Variants in VIT observed in about 807,000 individuals in gnomAD.
The protein encoded by VIT is vitrin.
A neutral mutation model predicts 78.0 loss-of-function variants in VIT; 99 were observed. The observed-to-expected ratio is 1.27, with a 90% CI of 1.08 to 1.50. VIT has a LOEUF of 1.50. Among genes scored for constraint, VIT ranks in the 40% most tolerant of loss-of-function variants. The pLI, the probability that VIT is intolerant of heterozygous loss-of-function variation, is 0.00. For missense variants in VIT, 1,126 were observed against 875.3 expected, an observed-to-expected ratio of 1.29 and a Z score of -3.61; for synonymous variants, 374 against 334.3, an observed-to-expected ratio of 1.12 and a Z score of -1.29.
intron 1 of VIT, among the ~76,000 whole-genome samples, chr2:36,708,719 C>T (rs978798210): frequency 1.3e-5 from 2 of 152,156 alleles, no homozygotes; most frequent in African/African-American, 2.4e-5. Flanking sequence ...TTCCAACCTG[C>T]CAATTAAAGA....
intron 2 of VIT, 109 bp downstream of exon 2, chr2:36,716,531 G>A (rs755609788): frequency 2.3e-4 from 202 of 862,014 alleles, no homozygotes; most frequent in Non-Finnish European, 3.5e-4. Flanking sequence ...AAACAATACA[G>A]TGTATCATTT....
intron 6 of VIT, 90 bp from the exon 7 acceptor site, chr2:36,767,004 T>G: frequency 7.3e-7 from 1 of 1,364,360 alleles, no homozygotes; most frequent in Non-Finnish European, 9.6e-7. Flanking sequence ...TGCTCATAGC[T>G]AGTGTTCAAT....
chr2:36,813,711 G>A (rs2270320), intron 15 of VIT, among the ~76,000 whole-genome samples: 1 of 152,140 alleles, frequency 6.6e-6, no homozygotes, highest in Non-Finnish European at 1.5e-5. Context: ...AAAAGATCTT[G>A]AACCAGCTTT....
At chr2:36,757,332 G>A (rs1668826105) in intron 5 of VIT, among the ~76,000 whole-genome samples, 3 of 152,172 alleles carry the variant, frequency 2.0e-5, no homozygotes, top group African/African-American at 7.2e-5. Flanking sequence ...GTACGTTTAC[G>A]GCCCGCATGA....
intron 4 of VIT, among the ~76,000 whole-genome samples, chr2:36,750,742 A>G (rs1425550874): frequency 1.3e-5 from 2 of 151,520 alleles, no homozygotes; most frequent in African/African-American, 4.9e-5. Flanking sequence ...AATCGCTTGA[A>G]CCTGGGAGGC....
intron 6 of VIT, among the ~76,000 whole-genome samples, chr2:36,759,954 GA>G (rs1388279624): frequency 6.6e-6 from 1 of 151,750 alleles, no homozygotes; most frequent in Non-Finnish European, 1.5e-5. Flanking sequence ...CCATCAAACA[GA>G]AACCCCTCTC....
intron 2 of VIT, among the ~76,000 whole-genome samples, chr2:36,721,124 A>G (rs1666481512): frequency 6.6e-6 from 1 of 152,224 alleles, no homozygotes; most frequent in African/African-American, 2.4e-5. Flanking sequence ...GAAATTTGCT[A>G]AGAGAGTAGA....
chr2:36,741,314 G>A lies in VIT; in HGVS notation c.119-1786G>A, dbSNP rs529664545. On this transcript the variant is annotated intron_variant, in intron 3 of 15. Transcript: ENST00000379242. ...AATGAAAGGTAAAAAGAAAATAGCCGGCGAGGAGGCAACCTTTGATGGGGA... is the reference window on the plus strand; with the variant it reads ...AATGAAAGGTAAAAAGAAAATAGCCAGCGAGGAGGCAACCTTTGATGGGGA... Among the ~76,000 whole-genome samples the A allele has an allele frequency of 4.6e-5, 7 of 152,236 alleles. No individual in the cohort carries two copies. The East Asian group carries it at 1.2e-3, about 25-fold the overall frequency.
intron 15 of VIT, among the ~76,000 whole-genome samples, chr2:36,811,038 T>A (rs1667125988): frequency 6.6e-6 from 1 of 152,244 alleles, no homozygotes; most frequent in Admixed American, 6.5e-5. Flanking sequence ...ACAATGCTGG[T>A]TCCTAGAATC....
At chr2:36,762,777 CA>C (rs1050664460) in intron 6 of VIT, among the ~76,000 whole-genome samples, 124 of 152,228 alleles carry the variant, frequency 8.1e-4, no homozygotes, top group African/African-American at 2.9e-3. Context: ...GGATGACCCC[CA>C]AAAGCATGAC....
At chr2:36,767,053 G>T in intron 6 of VIT, 41 bp from the exon 7 acceptor site, 1 of 1,529,904 alleles carries the variant, frequency 6.5e-7, no homozygotes, top group Non-Finnish European at 8.8e-7. Flanking sequence ...AGAGTGTACA[G>T]GTTATTTTGT....
chr2:36,775,131 A>T, intron 9 of VIT, 64 bp downstream of exon 9: 2 of 1,583,926 alleles, frequency 1.3e-6, no homozygotes. Context: ...CTTTGCAAAC[A>T]TGAGGACCTC....
chr2:36,700,854 T>C (rs1450729372), intron 1 of VIT, among the ~76,000 whole-genome samples: 1 of 152,016 alleles, frequency 6.6e-6, no homozygotes, highest in Non-Finnish European at 1.5e-5. Flanking sequence ...AGCAAACATA[T>C]GAGGTGGGCT....
chr2:36,729,369 AG>A lies in VIT; in HGVS notation c.53-56del, dbSNP rs1250224625. 5 of 1,466,840 alleles carry A rather than the reference AG, an allele frequency of 3.4e-6. No individual in the cohort carries two copies. In the African/African-American group the frequency reaches 7.2e-5, roughly 21 times the overall value. The allele number at this position is 1,466,840 out of a possible 1,614,324, so 90.9% of individuals were successfully genotyped here. A position where few individuals can be genotyped will look rare whatever the true frequency, so the allele number is the denominator to read the frequency against. Reference sequence around the variant, plus strand: ...GATCGAAGCAAGTATGAGTCAAAAGAGAAAGAATTTAAGTAAAATAAAATTG... The same window carrying A: ...GATCGAAGCAAGTATGAGTCAAAAGAAAAGAATTTAAGTAAAATAAAATTG... On this transcript the variant is annotated intron_variant, in intron 2 of 15. Transcript: ENST00000379242.
intron 12 of VIT, 139 bp downstream of exon 12, chr2:36,787,415 T>A (rs1665181485): frequency 2.5e-6 from 3 of 1,217,052 alleles, no homozygotes; most frequent in Non-Finnish European, 3.3e-6. Flanking sequence ...AATGCAAATG[T>A]AAATGAAAAA....
chr2:36,753,353 C>G (rs990035663), intron 4 of VIT, among the ~76,000 whole-genome samples: 3 of 150,530 alleles, frequency 2.0e-5, no homozygotes, highest in African/African-American at 7.3e-5. Context: ...GGCACATGTA[C>G]CCCTGAACTT....
At chr2:36,750,470 C>T (rs1668388424) in intron 4 of VIT, among the ~76,000 whole-genome samples, 1 of 152,220 alleles carries the variant, frequency 6.6e-6, no homozygotes, top group Non-Finnish European at 1.5e-5. Flanking sequence ...CACTTTCACA[C>T]TTCCGAGGCA....
At chr2:36,799,975 G>C (rs1320128455) in intron 12 of VIT, among the ~76,000 whole-genome samples, 1 of 151,610 alleles carries the variant, frequency 6.6e-6, no homozygotes, top group Non-Finnish European at 1.5e-5. Context: ...TTGAACCCGG[G>C]AGGTGGAGAC....
intron 14 of VIT, among the ~76,000 whole-genome samples, chr2:36,806,563 T>G (rs1666741731): frequency 2.6e-5 from 4 of 152,108 alleles, no homozygotes; most frequent in African/African-American, 9.7e-5. Context: ...TTTTTCTTTT[T>G]TCAGACGGAG....
Sources: gnomAD v4.1 joint callset for allele counts (sites outside exome capture counted in the v4.1 genomes callset) on GRCh38, gnomAD v4.1.1 for gene constraint, MANE v1.5 for transcripts, NCBI Gene and HGNC (gene_info 2026-07-23, HGNC 2026-07-21) for gene names.